USP12: variants seen among roughly 807,000 people sequenced by gnomAD.
USP12 encodes the protein ubiquitin carboxyl-terminal hydrolase 12.
Under a neutral mutation model 45.5 loss-of-function variants are expected in USP12, and 19 were observed. The ratio of observed to expected loss-of-function variants is 0.42; its 90% CI spans 0.29 to 0.61. The LOEUF (loss-of-function observed/expected upper bound fraction) is 0.61, where lower values mean the gene tolerates loss of function less well. Among genes scored for constraint, USP12 ranks in the 20% least tolerant of loss-of-function variants. USP12 has a pLI of 0.22. For synonymous variants in USP12, 149 were observed against 148.8 expected (o/e 1.00, Z -0.01); for missense variants, 242 against 447.7 (o/e 0.54, Z 4.15).
chr13:27,115,176 C>T (rs754140336), intron 2 of USP12, among the ~76,000 whole-genome samples: 1 of 152,050 alleles, frequency 6.6e-6, no homozygotes, highest in Non-Finnish European at 1.5e-5. Flanking sequence ...ACAAAGCGTC[C>T]TCTGATGGTC....
chr13:27,074,463 A>G lies in USP12; in HGVS notation c.932+728T>C, dbSNP rs150300406. Among the ~76,000 whole-genome samples, 922 of 152,300 alleles carry G rather than the reference A, an allele frequency of 6.1e-3. 6 individuals are homozygous for G. The highest frequency in any genetic ancestry group is 0.017 in the Middle Eastern group (5 of 294). ...GGAGGGCTGAAGATGAGAAAGCTGT[A>G]ACTTTTTTTATTTGGATAAAACATG... On this transcript the variant is annotated intron_variant, in intron 7 of 8. Coordinates refer to ENST00000282344, the MANE Select transcript of USP12 (RefSeq NM_182488.4).
At chr13:27,156,505 G>C (rs1468820631) in intron 1 of USP12, among the ~76,000 whole-genome samples, 1 of 152,148 alleles carries the variant, frequency 6.6e-6, no homozygotes. Context: ...AACAATGATT[G>C]GATATTTATG....
At chr13:27,145,629 G>A (rs1250886183) in intron 1 of USP12, among the ~76,000 whole-genome samples, 1 of 151,916 alleles carries the variant, frequency 6.6e-6, no homozygotes, top group South Asian at 2.1e-4. Context: ...CATGATCTCA[G>A]ACTTAGTTCC....
intron 1 of USP12, among the ~76,000 whole-genome samples, chr13:27,142,910 T>C (rs764091260): frequency 2.0e-5 from 3 of 152,074 alleles, no homozygotes; most frequent in Non-Finnish European, 2.9e-5. Flanking sequence ...CTGGCCGACA[T>C]GGTGAAACCC....
At chr13:27,144,617 T>G (rs1239269615) in intron 1 of USP12, among the ~76,000 whole-genome samples, 1 of 151,482 alleles carries the variant, frequency 6.6e-6, no homozygotes, top group East Asian at 1.9e-4. Context: ...AAATTAAAAT[T>G]TAAAAAGTAA....
At chr13:27,136,382 CAGCT>C (rs1876805526) in intron 1 of USP12, among the ~76,000 whole-genome samples, 1 of 152,166 alleles carries the variant, frequency 6.6e-6, no homozygotes, top group Non-Finnish European at 1.5e-5. Context: ...CCTGTAATCC[CAGCT>C]ACTCAGGAGG....
intron 1 of USP12, among the ~76,000 whole-genome samples, chr13:27,158,507 C>T (rs929882906): frequency 2.6e-5 from 4 of 152,150 alleles, no homozygotes; most frequent in Admixed American, 2.0e-4. Context: ...AGTGTACTCA[C>T]GCAAACCTAG....
intron 1 of USP12, among the ~76,000 whole-genome samples, chr13:27,171,302 G>T (rs575851151): frequency 1.3e-3 from 202 of 149,710 alleles, no homozygotes; most frequent in African/African-American, 4.6e-3. Flanking sequence ...ACTCCCGGAG[G>T]CCGGTGCCCG....
At chr13:27,074,737 T>C (rs944328839) in intron 7 of USP12, among the ~76,000 whole-genome samples, 6 of 152,182 alleles carry the variant, frequency 3.9e-5, no homozygotes, top group South Asian at 2.1e-4. Flanking sequence ...GAAAGCAAAA[T>C]TGGCTAATAA....
At chr13:27,114,541 A>G (rs1304249573) in intron 2 of USP12, among the ~76,000 whole-genome samples, 1 of 152,188 alleles carries the variant, frequency 6.6e-6, no homozygotes, top group Non-Finnish European at 1.5e-5. Context: ...TATCTACAGG[A>G]GATAAGCTGA....
intron 2 of USP12, among the ~76,000 whole-genome samples, chr13:27,107,956 AT>A (rs1439905808): frequency 1.3e-5 from 2 of 152,090 alleles, no homozygotes; most frequent in African/African-American, 4.8e-5. Flanking sequence ...TAGTTCAACC[AT>A]TGTGGAAGTC....
intron 1 of USP12, among the ~76,000 whole-genome samples, chr13:27,167,198 G>A (rs1204819990): frequency 6.6e-6 from 1 of 151,920 alleles, no homozygotes; most frequent in African/African-American, 2.4e-5. Context: ...GGAGGTGGAG[G>A]TTGCGGTGAG....
At chr13:27,152,196 TATTATTC>T (rs1484154387) in intron 1 of USP12, among the ~76,000 whole-genome samples, 3 of 152,218 alleles carry the variant, frequency 2.0e-5, no homozygotes, top group Admixed American at 1.3e-4. Context: ...TTTACAATAG[TATTATTC>T]ATAATACCCA....
intron 1 of USP12, among the ~76,000 whole-genome samples, chr13:27,155,415 T>C (rs1593213455): frequency 1.3e-5 from 2 of 152,234 alleles, no homozygotes; most frequent in African/African-American, 4.8e-5. Flanking sequence ...ACTTGTGTGA[T>C]TTTAAGCCAC....
chr13:27,107,055 T>G (rs1875174130), intron 2 of USP12, among the ~76,000 whole-genome samples: 1 of 152,210 alleles, frequency 6.6e-6, no homozygotes, highest in African/African-American at 2.4e-5. Flanking sequence ...CCAGACGCAG[T>G]GGCTCACACC....
intron 3 of USP12, 132 bp from the exon 4 acceptor site, chr13:27,095,962 CAAAT>C: frequency 1.6e-6 from 1 of 610,976 alleles, no homozygotes; most frequent in Non-Finnish European, 2.6e-6. Flanking sequence ...TAATGTATAA[CAAAT>C]AACTTTCGCA....
At chr13:27,122,001 T>C (rs374060274) in intron 1 of USP12, among the ~76,000 whole-genome samples, 143 of 151,956 alleles carry the variant, frequency 9.4e-4, no homozygotes, top group African/African-American at 3.4e-3. Flanking sequence ...TAAATACAAC[T>C]TCAAAATATA....
chr13:27,169,327 T>A lies in USP12; in HGVS notation c.48+2265A>T, dbSNP rs114404217. 2.8e-3 allele frequency among the ~76,000 whole-genome samples: 419 copies of A among 152,182 alleles called. 3 individuals carry two copies. The highest frequency in any genetic ancestry group is 9.8e-3 in the African/African-American group (408 of 41,510). ...ACACACACTCGCCAGACAAGAAGGA[T>A]ACGGGGTGTGGCAGGGAGGAGCGTT... On this transcript the variant is annotated intron_variant, in intron 1 of 8. Transcript: ENST00000282344.
chr13:27,141,392 A>G (rs1324456758), intron 1 of USP12, among the ~76,000 whole-genome samples: 1 of 152,244 alleles, frequency 6.6e-6, no homozygotes, highest in East Asian at 1.9e-4. Flanking sequence ...ACACCTCTGT[A>G]GTAATGAGCA....
Sources: allele counts gnomAD v4.1 joint callset (sites outside exome capture counted in the v4.1 genomes callset), GRCh38; gene constraint gnomAD v4.1.1; transcripts MANE v1.5; gene names NCBI Gene and HGNC (gene_info 2026-07-23, HGNC 2026-07-21).